Variants in RRAGB observed in about 807,000 individuals in gnomAD.
RRAGB encodes the protein Ras related GTP binding B.
In RRAGB, 6 loss-of-function variants were observed where a neutral mutation model predicts 29.3. The ratio of observed to expected loss-of-function variants is 0.21; its 90% CI spans 0.11 to 0.40. The LOEUF is 0.40. Ranked by LOEUF, RRAGB falls within the 10% of genes least tolerant of loss-of-function variation. RRAGB has a pLI of 1.00. For synonymous variants in RRAGB, 101 were observed against 92.5 expected (o/e 1.09, Z -0.53); for missense variants, 184 against 272.9 (o/e 0.67, Z 2.29).
At position 55,718,377 on chromosome X, in the gene RRAGB, C is replaced by T; in HGVS notation, c.50C>T (p.Pro17Leu). Residue 17 changes from proline to leucine, a missense_variant, in exon 1 of 10, where the codon CCG (proline) becomes CTG (leucine). Pro to Leu is a moderately conservative substitution (Grantham distance 98, BLOSUM62 -3). Transcript: ENST00000374941. ...ACGACGGAGAAAGAAAATCTGGGGC[C>T]GAGAATGGATCCACCACTAGGGGAA... Reference protein sequence around the residue: ...EKTTEKENLGPRMDPPLGEPE... With the variant: ...EKTTEKENLGLRMDPPLGEPE... 2.5e-6 allele frequency: 3 copies of T among 1,204,284 alleles called. No homozygotes were observed. The highest frequency in any genetic ancestry group is 3.4e-6 in the Non-Finnish European group (3 of 891,397).
intron 5 of RRAGB, among the ~76,000 whole-genome samples, chrX:55,750,255 G>C (rs775857860): frequency 9.4e-6 from 1 of 106,771 alleles, no homozygotes; most frequent in South Asian, 4.1e-4. Flanking sequence ...GATTGAGATT[G>C]ATTTTAAGGA....
In RRAGB at chrX:55,717,960, C is replaced by T. The variant is rs2033110814; in HGVS notation, c.-368C>T. Reference sequence around the variant, plus strand: ...GCCACCTCCGCCTTCGCGGTCCTCACCTCTTTGCGGGTGAAGTTACCTTTG... The same window carrying T: ...GCCACCTCCGCCTTCGCGGTCCTCATCTCTTTGCGGGTGAAGTTACCTTTG... On this transcript the variant is annotated 5_prime_UTR_variant, in exon 1 of 10. Transcript: ENST00000374941. 1 of 139,611 alleles carries T rather than the reference C, an allele frequency of 7.2e-6. No individual in the cohort carries two copies. Among genetic ancestry groups the T allele is most frequent in the African/African-American group, 3.1e-5 (1 of 32,615 alleles). 11.5% of individuals were successfully genotyped at this position (139,611 alleles called of 1,213,427 possible).
intron 3 of RRAGB, among the ~76,000 whole-genome samples, chrX:55,726,027 C>T (rs1040783225): frequency 9.1e-6 from 1 of 110,322 alleles, no homozygotes; most frequent in Non-Finnish European, 1.9e-5. Flanking sequence ...AAGAGGGAAG[C>T]AGGAAGTGGG....
chrX:55,731,627 C>CAAAATAAG, intron 5 of RRAGB, 41 bp downstream of exon 5: 1 of 910,596 alleles, frequency 1.1e-6, no homozygotes, highest in South Asian at 2.5e-5. Flanking sequence ...GCTCGACATG[C>CAAAATAAG]TTTGCAAACT....
intron 5 of RRAGB, among the ~76,000 whole-genome samples, chrX:55,737,587 C>G (rs758899857): frequency 2.7e-5 from 3 of 112,399 alleles, no homozygotes; most frequent in Admixed American, 1.9e-4. Flanking sequence ...AAGGAAACTT[C>G]CCACAAGTGG....
At chrX:55,753,315 A>G (rs919473168) in intron 6 of RRAGB, 77 bp from the exon 7 acceptor site, 4 of 928,633 alleles carry the variant, frequency 4.3e-6, no homozygotes, top group African/African-American at 1.9e-5. Flanking sequence ...TCCACATATT[A>G]TAGTGTACTT....
intron 4 of RRAGB, among the ~76,000 whole-genome samples, chrX:55,729,974 T>A (rs1413849865): frequency 4.5e-5 from 5 of 112,206 alleles, no homozygotes; most frequent in Non-Finnish European, 7.5e-5. Flanking sequence ...GGTTTGTACC[T>A]CAGCTCTGTT....
At chrX:55,738,083 T>G (rs1202186929) in intron 5 of RRAGB, among the ~76,000 whole-genome samples, 1 of 112,874 alleles carries the variant, frequency 8.9e-6, no homozygotes, top group Non-Finnish European at 1.9e-5. Flanking sequence ...CGCAGATTAT[T>G]AAGTCTCTGA....
Position 55,757,266 on chromosome X carries a change from C to T in RRAGB, c.878C>T (p.Ala293Val), listed in dbSNP as rs1250333900. 1 of 1,195,651 alleles carries T rather than the reference C, an allele frequency of 8.4e-7. No homozygotes were observed. Residue 293 changes from alanine to valine, a missense_variant, in exon 9 of 10, where the codon GCT (alanine) becomes GTT (valine). Transcript: ENST00000374941. ...ATGGAAGTCAGGAACTCTAACTTCG[C>T]TGCTTTCATTGACATCTTTACATCC... ...QSMEVRNSNF[A>V]AFIDIFTSNT...
chrX:55,718,928 TA>T (rs2033158891), intron 1 of RRAGB, among the ~76,000 whole-genome samples: 2 of 112,049 alleles, frequency 1.8e-5, no homozygotes, highest in South Asian at 7.4e-4. Flanking sequence ...ACATAGAAGA[TA>T]TTCAATACTC....
chrX:55,733,206 C>T (rs994783205), intron 5 of RRAGB, among the ~76,000 whole-genome samples: 1 of 111,674 alleles, frequency 9.0e-6, no homozygotes, highest in Non-Finnish European at 1.9e-5. Context: ...TACTTACAAG[C>T]GAGAATGTGC....
At chrX:55,730,284 A>C (rs2033631925) in intron 4 of RRAGB, among the ~76,000 whole-genome samples, 1 of 112,371 alleles carries the variant, frequency 8.9e-6, no homozygotes, top group South Asian at 3.7e-4. Flanking sequence ...CAGATGGATC[A>C]CTTAACATCC....
At chrX:55,731,805 T>G in intron 5 of RRAGB, 1 of 380,839 alleles carries the variant, frequency 2.6e-6, no homozygotes, top group Non-Finnish European at 4.5e-6. Context: ...TAGGCAAGGA[T>G]TCTGTCCAAG....
At chrX:55,741,333 G>T (rs2034062939) in intron 5 of RRAGB, among the ~76,000 whole-genome samples, 1 of 111,712 alleles carries the variant, frequency 9.0e-6, no homozygotes, top group African/African-American at 3.3e-5. Context: ...GTTGTGAGTT[G>T]TCTCCACTGC....
At chrX:55,748,764 G>A (rs992180481) in intron 5 of RRAGB, among the ~76,000 whole-genome samples, 4 of 109,460 alleles carry the variant, frequency 3.7e-5, no homozygotes, top group Admixed American at 1.9e-4. Context: ...CAGGCCAGCC[G>A]CCCCATCTGG....
chrX:55,724,138 C>G (rs2033394577), intron 3 of RRAGB, among the ~76,000 whole-genome samples: 1 of 111,903 alleles, frequency 8.9e-6, no homozygotes, highest in South Asian at 3.7e-4. Context: ...AAAACTCTTT[C>G]AAATAGTTCA....
chrX:55,734,509 C>A (rs2033806249), intron 5 of RRAGB, among the ~76,000 whole-genome samples: 1 of 111,351 alleles, frequency 9.0e-6, no homozygotes, highest in South Asian at 3.7e-4. Context: ...TTGGAATCTT[C>A]TTTTCTTGCT....
intron 5 of RRAGB, chrX:55,731,837 A>G: frequency 6.9e-6 from 2 of 289,187 alleles, no homozygotes; most frequent in Non-Finnish European, 1.2e-5. Context: ...AGCAGCATTT[A>G]TTTATTTTTA....
In RRAGB at chrX:55,751,248, A is replaced by G. The variant is rs147338174; in HGVS notation, c.612+52A>G. The G allele has an allele frequency of 8.4e-4, 562 of 670,974 alleles. 2 individuals carry two copies. The African/African-American group carries it at 0.011, about 13-fold the overall frequency. 55.3% of individuals were successfully genotyped at this position (670,974 alleles called of 1,213,427 possible). On this transcript the variant is annotated intron_variant, in intron 6 of 9. Transcript: ENST00000374941. ...ATTTTAAGAGCATGAAAAAAAACCT[A>G]GAAGGATATTAACAAACCTAAAAGA... is the stretch of plus-strand genomic sequence containing the variant.
Sources: allele counts gnomAD v4.1 joint callset (sites outside exome capture counted in the v4.1 genomes callset), GRCh38; gene constraint gnomAD v4.1.1; transcripts MANE v1.5; gene names NCBI Gene and HGNC (gene_info 2026-07-23, HGNC 2026-07-21).